The following TADA3 variants were observed in gnomAD, a reference collection of about 807,000 sequenced individuals.
The protein encoded by TADA3 is transcriptional adaptor 3, also known as transcriptional adapter 3.
TADA3 carries 25 observed loss-of-function variants against 43.2 expected under a neutral mutation model. That is an observed-to-expected ratio of 0.58 (90% CI 0.42 to 0.81). The LOEUF (loss-of-function observed/expected upper bound fraction) is 0.81. Ranked by LOEUF, TADA3 falls within the 30% of genes least tolerant of loss-of-function variation. The probability of loss-of-function intolerance (pLI) is 0.00; values close to 1 mark genes in which losing one functional copy is unlikely to be tolerated. For synonymous variants in TADA3, 235 were observed against 225.5 expected (o/e 1.04, Z -0.38); for missense variants, 441 against 567.8 (o/e 0.78, Z 2.27).
In TADA3 at chr3:9,791,333, G is replaced by A; in HGVS notation, c.134C>T (p.Thr45Ile). The A allele has an allele frequency of 6.2e-7, 1 of 1,614,188 alleles. No individual in the cohort carries two copies. Among genetic ancestry groups the A allele is most frequent in the Non-Finnish European group, 8.5e-7 (1 of 1,180,054 alleles). Reference sequence around the variant, plus strand: ...CAGGGTCTCCAGCTCCAGCTGCAGGGTGTCCAGCTCCTCGATGCCGATGCC... The same window carrying A: ...CAGGGTCTCCAGCTCCAGCTGCAGGATGTCCAGCTCCTCGATGCCGATGCC... ...DDGIGIEELD[T>I]LQLELETLLS... is the part of the protein sequence containing the mutation. The change falls in exon 2 of 9, where the codon ACC becomes ATC. Residue 45 changes from threonine (T) to isoleucine (I), a missense_variant. Coordinates refer to ENST00000301964, the MANE Select transcript of TADA3 (RefSeq NM_006354.5).
intron 8 of TADA3, 160 bp downstream of exon 8, chr3:9,783,868 T>A (rs1287535554): frequency 3.1e-6 from 4 of 1,286,162 alleles, no homozygotes; most frequent in Non-Finnish European, 3.1e-6. Context: ...GTTTGGGACA[T>A]ACCCGGTGGA....
In TADA3 at chr3:9,789,569, C is replaced by T. The variant is rs1364622161; in HGVS notation, c.504G>A (p.Glu168=). 1.9e-6 allele frequency: 3 copies of T among 1,614,184 alleles called. No individual in the cohort carries two copies. Among genetic ancestry groups the T allele is most frequent in the Non-Finnish European group, 1.7e-6 (2 of 1,180,034 alleles). ...GTAACTCCTCAAGTGTGCGGACCTC[C>T]TCGCTGGTGATGTCAGCACAGTAGG... ...VEPYCADITS[E]EVRTLEELLK... is the part of the protein sequence containing the mutation. The change falls in exon 4 of 9, where the codon GAG becomes GAA. Residue 168 remains glutamate, a synonymous_variant. Coordinates refer to ENST00000301964, the MANE Select transcript of TADA3 (RefSeq NM_006354.5).
chr3:9,784,728 G>T (rs963722534), intron 7 of TADA3, among the ~76,000 whole-genome samples: 3 of 151,996 alleles, frequency 2.0e-5, no homozygotes, highest in African/African-American at 7.2e-5. Flanking sequence ...AGCCATACAT[G>T]GTGGCAGGCG....
In TADA3 at chr3:9,791,637, C is replaced by G. The variant is rs2078736853; in HGVS notation, c.-27-144G>C. The G allele has an allele frequency of 8.7e-6, 5 of 576,094 alleles. No homozygotes were observed. In the East Asian group the frequency reaches 1.4e-4, roughly 16 times the overall value. 35.7% of individuals were successfully genotyped at this position (576,094 alleles called of 1,614,324 possible). A position where few individuals can be genotyped will look rare whatever the true frequency, so the allele number is the denominator to read the frequency against. ...TGGCACAGTTCCTACTCACAGGGCA[C>G]TTAACTGGGTACCAAGCTAGGTGCA... On this transcript the variant is annotated intron_variant, in intron 1 of 8. Transcript: ENST00000301964.
In TADA3 at chr3:9,791,783, C is replaced by T. The variant is rs144944042; in HGVS notation, c.-27-290G>A. On this transcript the variant is annotated intron_variant, in intron 1 of 8. Coordinates refer to ENST00000301964, the MANE Select transcript of TADA3 (RefSeq NM_006354.5). ...CTGTAAGGGTGGGTATGTGCCTATG[C>T]TTCCAAGATGCAATTTGAACCCCGC... 6.6e-5 allele frequency among the ~76,000 whole-genome samples: 10 copies of T among 152,350 alleles called. No individual in the cohort carries two copies. The East Asian group carries it at 1.9e-3, about 29-fold the overall frequency.
Position 9,787,192 on chromosome 3 carries a change from G to A in TADA3, c.706+7C>T. The A allele has an allele frequency of 6.2e-7, 1 of 1,614,188 alleles. No individual in the cohort carries two copies. Among genetic ancestry groups the A allele is most frequent in the Non-Finnish European group, 8.5e-7 (1 of 1,180,032 alleles). ...ACCTGGGGTTGGCAGGGAGGTGAGA[G>A]GCCTACCTTTAGTGTCCAGTTCGGT... On this transcript the variant is annotated splice_region_variant and intron_variant, in intron 5 of 8. Coordinates refer to ENST00000301964, the MANE Select transcript of TADA3 (RefSeq NM_006354.5).
intron 8 of TADA3, chr3:9,781,711 G>C: frequency 2.4e-6 from 1 of 420,018 alleles, no homozygotes; most frequent in African/African-American, 2.0e-5. Context: ...CAGTTTTCCA[G>C]AAGGGGAAGG....
chr3:9,791,236 C>A, intron 2 of TADA3, 24 bp downstream of exon 2: 1 of 1,599,514 alleles, frequency 6.3e-7, no homozygotes, highest in Non-Finnish European at 8.5e-7. Flanking sequence ...ATCTCTGGTG[C>A]TGGCCCCTCT....
Position 9,782,452 on chromosome 3 carries a change from C to T in TADA3, c.1106+1576G>A, listed in dbSNP as rs531317416. 9.2e-5 allele frequency among the ~76,000 whole-genome samples: 14 copies of T among 152,322 alleles called. No homozygotes were observed. The South Asian group carries it at 2.9e-3, about 32-fold the overall frequency. On this transcript the variant is annotated intron_variant, in intron 8 of 8. Transcript: ENST00000301964. ...GAGAGTGTACATAAAGCCCCTGACA[C>T]ACAGTAGGCCCTCAGCATACATTAG...
chr3:9,787,716 ACT>A, intron 4 of TADA3: 2 of 1,306,964 alleles, frequency 1.5e-6, no homozygotes, highest in South Asian at 2.5e-5. Flanking sequence ...GTCTGTATGA[ACT>A]CTTTTTCAGA....
chr3:9,781,695 G>C (rs1575292708), intron 8 of TADA3: 1 of 428,138 alleles, frequency 2.3e-6, no homozygotes, highest in East Asian at 7.3e-5. Context: ...ATTGAGTCCA[G>C]CCTGCCAGTT....
chr3:9,787,228 A>C lies in TADA3; in HGVS notation c.677T>G (p.Met226Arg). The C allele has an allele frequency of 6.2e-7, 1 of 1,614,198 alleles. No homozygotes were observed. The highest frequency in any genetic ancestry group is 1.1e-5 in the South Asian group (1 of 91,084). The change falls in exon 5 of 9, where the codon ATG becomes AGG. Residue 226 changes from methionine to arginine, a missense_variant. Physicochemically the swap from Met to Arg is moderately conservative, Grantham distance 91. Transcript: ENST00000301964. ...AGTGTCCAGTTCGGTCAGTGGCCCC[A>C]TGAGGCCTTTCTTCTTGTCAGCCAC... ...AAVADKKKGL[M>R]GPLTELDTKD... is the part of the protein sequence containing the mutation.
At position 9,791,496 on chromosome 3, in the gene TADA3, G is replaced by A. The variant is rs756200638; in HGVS notation, c.-27-3C>T. On this transcript the variant is annotated splice_polypyrimidine_tract_variant and splice_region_variant and intron_variant, in intron 1 of 8. Transcript: ENST00000301964. ...CAGGATATGGGGATCCTGTGGAGCT[G>A]GAGAGGACAGGGCCATTGATGGGAG... 7.7e-6 allele frequency: 12 copies of A among 1,553,316 alleles called. No homozygotes were observed. The highest frequency in any genetic ancestry group is 1.7e-4 in the Middle Eastern group (1 of 5,880).
At chr3:9,786,024 C>T (rs900554821) in intron 6 of TADA3, among the ~76,000 whole-genome samples, 16 of 152,022 alleles carry the variant, frequency 1.1e-4, no homozygotes, top group Non-Finnish European at 1.5e-4. Context: ...CTGCAAGCTC[C>T]GCCTCCTGGG....
intron 4 of TADA3, among the ~76,000 whole-genome samples, chr3:9,788,976 C>A (rs778087421): frequency 2.0e-5 from 3 of 152,002 alleles, no homozygotes; most frequent in Non-Finnish European, 4.4e-5. Context: ...GCTGGGACTA[C>A]AGGCGCACAC....
intron 4 of TADA3, among the ~76,000 whole-genome samples, chr3:9,789,166 G>A (rs537310894): frequency 2.6e-5 from 4 of 152,294 alleles, no homozygotes; most frequent in African/African-American, 7.2e-5. Context: ...AAGAAGAAAG[G>A]TTCCTCCAGA....
chr3:9,792,564 G>A, upstream of TADA3: 2 of 1,228,520 alleles, frequency 1.6e-6, no homozygotes, highest in African/African-American at 3.1e-5. Context: ...GAAGAAGGTG[G>A]GCCTCGAGCA....
chr3:9,789,802 G>C lies in TADA3; in HGVS notation c.369C>G (p.Ser123=). The change falls in exon 3 of 9, where the codon TCC becomes TCG. Residue 123 remains serine (S), a synonymous_variant. Transcript: ENST00000301964. ...CCTGGATCTTGGGCTGAAGGTTTTTGGATTTGGGCCGTCCTGGGCCAGGGC... is the reference window on the plus strand; with the variant it reads ...CCTGGATCTTGGGCTGAAGGTTTTTCGATTTGGGCCGTCCTGGGCCAGGGC... ...GPGPGPGRPK[S]KNLQPKIQEY... is the part of the protein sequence containing the mutation. 1 of 1,614,252 alleles carries C rather than the reference G, an allele frequency of 6.2e-7. No homozygotes were observed. Among genetic ancestry groups the C allele is most frequent in the Non-Finnish European group, 8.5e-7 (1 of 1,180,032 alleles).
rs778401325 is a variant in TADA3, at chr3:9,780,568, C to T, written c.1107-19G>A. ...TGCCAGCCTGTGGGGACCAGCCAGC[C>T]AGGTGCCAGGGTCAGCCCACCTCCA... is the stretch of plus-strand genomic sequence containing the variant. On this transcript the variant is annotated intron_variant, in intron 8 of 8. Coordinates refer to ENST00000301964, the MANE Select transcript of TADA3 (RefSeq NM_006354.5). The T allele has an allele frequency of 1.9e-6, 3 of 1,593,448 alleles. No individual in the cohort carries two copies. Among genetic ancestry groups the T allele is most frequent in the Admixed American group, 1.7e-5 (1 of 58,992 alleles).
Sources: allele counts gnomAD v4.1 joint callset (sites outside exome capture counted in the v4.1 genomes callset), GRCh38; gene constraint gnomAD v4.1.1; transcripts MANE v1.5; gene names NCBI Gene and HGNC (gene_info 2026-07-23, HGNC 2026-07-21).